The following ANKS1B variants were observed in gnomAD, a reference collection of about 807,000 sequenced individuals.
ANKS1B encodes the protein ankyrin repeat and sterile alpha motif domain-containing protein 1B.
ANKS1B carries 36 observed loss-of-function variants against 148.3 expected under a neutral mutation model. The ratio of observed to expected loss-of-function variants is 0.24; its 90% CI spans 0.19 to 0.32. ANKS1B has a LOEUF of 0.32. ANKS1B is among the 10% of genes least tolerant of loss of function. The pLI is 1.00. For missense variants in ANKS1B, 1,157 were observed against 1,542.6 expected, an observed-to-expected ratio of 0.75 and a Z score of 4.19; for synonymous variants, 542 against 560.8, an observed-to-expected ratio of 0.97 and a Z score of 0.47.
intron 15 of ANKS1B, chr12:99,093,521 G>A (rs929215356): frequency 6.6e-6 from 1 of 152,204 alleles, no homozygotes; most frequent in Non-Finnish European, 1.5e-5. Context: ...GATTTAAGAA[G>A]GAGGGTGTCT....
intron 9 of ANKS1B, among the ~76,000 whole-genome samples, chr12:99,524,952 A>T (rs537388342): frequency 2.3e-4 from 35 of 152,192 alleles, no homozygotes; most frequent in Non-Finnish European, 4.3e-4. Context: ...TCATATCACC[A>T]TGAATCAAGG....
chr12:98,887,460 G>C (rs995652189), intron 17 of ANKS1B, among the ~76,000 whole-genome samples: 10 of 151,978 alleles, frequency 6.6e-5, no homozygotes, highest in African/African-American at 2.4e-4. Flanking sequence ...CAGAAATCTT[G>C]ATCCACTCCT....
At chr12:99,168,218 C>G (rs1001488895) in intron 14 of ANKS1B, among the ~76,000 whole-genome samples, 1 of 152,058 alleles carries the variant, frequency 6.6e-6, no homozygotes, top group African/African-American at 2.4e-5. Flanking sequence ...CCTCAATAAG[C>G]CTACTTTAAA....
chr12:99,555,465 C>T lies in ANKS1B; in HGVS notation c.1273-50824G>A, dbSNP rs955519548. ...TTGCCTGATTCCTTGGCTAGGACTT[C>T]CAGTACGATATTGAATACAAGTGGT... On this transcript the variant is annotated intron_variant, in intron 9 of 26. Transcript: ENST00000683438. Among the ~76,000 whole-genome samples the T allele has an allele frequency of 1.2e-4, 19 of 152,130 alleles. No homozygotes were observed. In the East Asian group the frequency reaches 3.5e-3, roughly 28 times the overall value.
intron 11 of ANKS1B, among the ~76,000 whole-genome samples, chr12:99,423,974 C>T (rs2095176244): frequency 6.6e-6 from 1 of 151,944 alleles, no homozygotes; most frequent in Admixed American, 6.6e-5. Flanking sequence ...TGCACATGTA[C>T]CTCTGAACTT....
chr12:98,863,242 T>C (rs1032363390), intron 17 of ANKS1B, among the ~76,000 whole-genome samples: 4 of 152,200 alleles, frequency 2.6e-5, no homozygotes, highest in Non-Finnish European at 5.9e-5. Context: ...TAATGACTAA[T>C]AAAGAGGTTC....
intron 15 of ANKS1B, among the ~76,000 whole-genome samples, chr12:99,092,709 A>G (rs2054496178): frequency 6.6e-6 from 1 of 152,130 alleles, no homozygotes; most frequent in African/African-American, 2.4e-5. Flanking sequence ...CAGAGCTCCA[A>G]AAGGAAGGGC....
chr12:98,813,321 C>G (rs751881702), intron 19 of ANKS1B, among the ~76,000 whole-genome samples: 3 of 149,966 alleles, frequency 2.0e-5, no homozygotes, highest in African/African-American at 7.4e-5. Context: ...AAGTGATTCT[C>G]TCACCTCAGC....
At chr12:99,052,849 A>G (rs1485336778) in intron 17 of ANKS1B, among the ~76,000 whole-genome samples, 1 of 152,012 alleles carries the variant, frequency 6.6e-6, no homozygotes, top group African/African-American at 2.4e-5. Flanking sequence ...AGATCAGAAT[A>G]GGAACCTATT....
At chr12:99,683,388 A>T (rs1467991245) in intron 8 of ANKS1B, among the ~76,000 whole-genome samples, 3 of 152,156 alleles carry the variant, frequency 2.0e-5, no homozygotes, top group Non-Finnish European at 4.4e-5. Flanking sequence ...GAGGAGATAG[A>T]TAAATTCCTG....
intron 19 of ANKS1B, among the ~76,000 whole-genome samples, chr12:98,816,324 G>T (rs1399089948): frequency 1.3e-5 from 2 of 152,126 alleles, no homozygotes; most frequent in African/African-American, 2.4e-5. Context: ...TTGAGACAGG[G>T]TCTCACTGTC....
At chr12:98,760,368 G>A (rs1000860688) in intron 25 of ANKS1B, among the ~76,000 whole-genome samples, 2 of 151,976 alleles carry the variant, frequency 1.3e-5, no homozygotes, top group African/African-American at 4.8e-5. Context: ...AGGCTCACAT[G>A]ATCCTCTCAC....
chr12:98,960,068 G>A (rs1443110145), intron 17 of ANKS1B, among the ~76,000 whole-genome samples: 1 of 152,202 alleles, frequency 6.6e-6, no homozygotes, highest in Non-Finnish European at 1.5e-5. Flanking sequence ...CTGCCCTGAA[G>A]GGAAGGACAC....
chr12:98,833,628 G>A (rs1348898531), intron 17 of ANKS1B, among the ~76,000 whole-genome samples: 1 of 152,014 alleles, frequency 6.6e-6, no homozygotes, highest in Non-Finnish European at 1.5e-5. Flanking sequence ...GGTGGTATAT[G>A]TGCAGGTTTG....
chr12:99,655,235 A>T, intron 8 of ANKS1B, 25 bp from the exon 9 acceptor site: 2 of 1,520,582 alleles, frequency 1.3e-6, no homozygotes, highest in Non-Finnish European at 1.8e-6. Flanking sequence ...ATATCATACC[A>T]ATATATTATA....
intron 8 of ANKS1B, among the ~76,000 whole-genome samples, chr12:99,705,942 A>T (rs976759891): frequency 1.3e-5 from 2 of 152,156 alleles, no homozygotes; most frequent in African/African-American, 4.8e-5. Flanking sequence ...GAAAGACAAT[A>T]ATTAATCCTA....
chr12:99,122,060 G>C (rs1363731505), intron 15 of ANKS1B, among the ~76,000 whole-genome samples: 1 of 152,188 alleles, frequency 6.6e-6, no homozygotes, highest in African/African-American at 2.4e-5. Context: ...TTTGGAGTCA[G>C]ATAGATGAGG....
At chr12:99,432,670 C>A (rs2095395680) in intron 11 of ANKS1B, among the ~76,000 whole-genome samples, 1 of 151,974 alleles carries the variant, frequency 6.6e-6, no homozygotes, top group Non-Finnish European at 1.5e-5. Flanking sequence ...ACTTTATATT[C>A]AATGGTCAAA....
At chr12:98,810,872 C>T (rs912660042) in intron 19 of ANKS1B, among the ~76,000 whole-genome samples, 1 of 152,182 alleles carries the variant, frequency 6.6e-6, no homozygotes, top group African/African-American at 2.4e-5. Flanking sequence ...GTGTGTCAGT[C>T]TTGGGGCTTA....
Sources: gnomAD v4.1 joint callset for allele counts (sites outside exome capture counted in the v4.1 genomes callset) on GRCh38, gnomAD v4.1.1 for gene constraint, MANE v1.5 for transcripts, NCBI Gene and HGNC (gene_info 2026-07-23, HGNC 2026-07-21) for gene names.